Variants in TUT7 observed in about 807,000 individuals in gnomAD.
TUT7 encodes the protein terminal uridylyl transferase 7.
A neutral mutation model predicts 165.9 loss-of-function variants in TUT7; 33 were observed. The observed-to-expected ratio is 0.20, with a 90% CI of 0.15 to 0.27. The LOEUF (loss-of-function observed/expected upper bound fraction) is 0.27. TUT7 is among the 10% of genes least tolerant of loss of function. The pLI is 1.00. For missense variants in TUT7, 1,338 were observed against 1,762.3 expected (o/e 0.76, Z 4.31); for synonymous variants, 552 against 608.1 (o/e 0.91, Z 1.36).
intron 25 of TUT7, chr9:86,301,859 C>T: frequency 1.0e-6 from 1 of 985,326 alleles, no homozygotes; most frequent in Non-Finnish European, 1.2e-6. Flanking sequence ...ATTAGTGGCA[C>T]TCCTTGGCTG....
At chr9:86,290,686 C>CAAAAAAAAA (rs749800073) in intron 26 of TUT7, among the ~76,000 whole-genome samples, 19 of 54,592 alleles carry the variant, frequency 3.5e-4, no homozygotes, top group East Asian at 1.0e-3. Context: ...TACTAAAATA[C>CAAAAAAAAA]AAAAAAAAAA....
intron 10 of TUT7, among the ~76,000 whole-genome samples, chr9:86,330,535 G>A (rs923906160): frequency 3.3e-5 from 5 of 152,208 alleles, no homozygotes; most frequent in African/African-American, 1.2e-4. Flanking sequence ...TTTCTCAACT[G>A]GGTAGCTTGA....
At chr9:86,291,738 C>G (rs900092660) in intron 26 of TUT7, among the ~76,000 whole-genome samples, 1 of 152,150 alleles carries the variant, frequency 6.6e-6, no homozygotes, top group African/African-American at 2.4e-5. Context: ...AAATGACCCA[C>G]ACACTGCTGG....
chr9:86,335,069 G>C (rs1830648166), intron 10 of TUT7, among the ~76,000 whole-genome samples: 1 of 152,184 alleles, frequency 6.6e-6, no homozygotes, highest in African/African-American at 2.4e-5. Flanking sequence ...CACACCATAA[G>C]TGGAACTTGA....
In TUT7 at chr9:86,308,545, A is replaced by C; in HGVS notation, c.3722T>G (p.Leu1241Arg). ...AAATTCCTCTGTGTAGAAACGAAGAAGGCCCAACCATAACTGCCCAACAGA... is the reference window on the plus strand; with the variant it reads ...AAATTCCTCTGTGTAGAAACGAAGACGGCCCAACCATAACTGCCCAACAGA... ...TESVGQLWLG[L>R]LRFYTEEFDF... The change falls in exon 22 of 27, where the codon CTT (leucine) becomes CGT (arginine). Residue 1241 changes from leucine to arginine, a missense_variant. Coordinates refer to ENST00000375963, the MANE Select transcript of TUT7 (RefSeq NM_024617.4). The C allele has an allele frequency of 6.2e-7, 1 of 1,614,046 alleles. No individual in the cohort carries two copies. Among genetic ancestry groups the C allele is most frequent in the Non-Finnish European group, 8.5e-7 (1 of 1,179,986 alleles).
chr9:86,339,971 T>C (rs758674227), intron 8 of TUT7, 65 bp downstream of exon 8: 1 of 1,203,598 alleles, frequency 8.3e-7, no homozygotes, highest in Non-Finnish European at 1.2e-6. Flanking sequence ...CATTAAGATG[T>C]AGTAAAGTAC....
chr9:86,308,310 A>G, intron 22 of TUT7, 119 bp downstream of exon 22: 2 of 863,554 alleles, frequency 2.3e-6, no homozygotes, highest in South Asian at 2.2e-5. Flanking sequence ...GGTATGGACA[A>G]TGAGACTGGG....
At chr9:86,325,623 A>G (rs886904798) in intron 11 of TUT7, 109 bp from the exon 12 acceptor site, 2 of 980,776 alleles carry the variant, frequency 2.0e-6, no homozygotes, top group Non-Finnish European at 3.0e-6. Context: ...ACCTTAACAA[A>G]GATATAAGCC....
At chr9:86,338,784 T>C in intron 9 of TUT7, 39 bp downstream of exon 9, 12 of 1,527,176 alleles carry the variant, frequency 7.9e-6, no homozygotes, top group Non-Finnish European at 1.1e-5. Context: ...TGCTTATACA[T>C]ATGTAGAATG....
intron 14 of TUT7, among the ~76,000 whole-genome samples, chr9:86,321,190 TAA>T (rs758749770): frequency 9.9e-5 from 12 of 121,254 alleles, no homozygotes; most frequent in Admixed American, 8.2e-5. Context: ...CCATCTCTAC[TAA>T]AAAAAAAAAA....
chr9:86,343,282 T>C (rs1831469407), intron 5 of TUT7, 119 bp from the exon 6 acceptor site: 1 of 569,182 alleles, frequency 1.8e-6, no homozygotes, highest in Admixed American at 3.9e-5. Context: ...AAAAGCAAAC[T>C]TGTATTCAAG....
chr9:86,348,713 T>C (rs1429814115), intron 2 of TUT7, among the ~76,000 whole-genome samples: 2 of 151,920 alleles, frequency 1.3e-5, no homozygotes, highest in East Asian at 1.9e-4. Context: ...GATTGCGCCA[T>C]TGCACTCCAG....
chr9:86,298,533 T>G (rs1275602504), intron 26 of TUT7, among the ~76,000 whole-genome samples: 1 of 152,170 alleles, frequency 6.6e-6, no homozygotes, highest in Non-Finnish European at 1.5e-5. Flanking sequence ...ATGGGTGGTA[T>G]AAACATCACT....
chr9:86,302,252 T>C (rs1826991799), intron 25 of TUT7, among the ~76,000 whole-genome samples: 1 of 152,046 alleles, frequency 6.6e-6, no homozygotes. Context: ...TGCCCCCCAA[T>C]AAACGCCACC....
intron 16 of TUT7, among the ~76,000 whole-genome samples, chr9:86,317,759 T>C (rs535010060): frequency 6.6e-6 from 1 of 152,352 alleles, no homozygotes; most frequent in Non-Finnish European, 1.5e-5. Context: ...AGAATTATAA[T>C]GCATATAACT....
At chr9:86,312,434 G>T (rs1179299680) in intron 17 of TUT7, among the ~76,000 whole-genome samples, 17 of 150,994 alleles carry the variant, frequency 1.1e-4, no homozygotes, top group South Asian at 6.3e-4. Flanking sequence ...CAGCCACCCC[G>T]TCTGGGAAGT....
intron 25 of TUT7, among the ~76,000 whole-genome samples, chr9:86,302,055 C>A (rs1826963515): frequency 6.6e-6 from 1 of 152,174 alleles, no homozygotes; most frequent in South Asian, 2.1e-4. Flanking sequence ...AATCATTTCT[C>A]CCTTATCCTA....
At position 86,323,318 on chromosome 9, in the gene TUT7, T is replaced by A; in HGVS notation, c.2432A>T (p.Asp811Val). The stretch of plus-strand genomic sequence containing the variant: ...ACCTTCTGTACTTTCTCCATCAAGA[T>A]CAGCCTTGTTATCTAAAGTGGCAAG... ...EGLATLDNKA[D>V]LDGESTEGTE... is the part of the protein sequence containing the mutation. Residue 811 changes from aspartate (D) to valine (V), a missense_variant, in exon 13 of 27, where the codon GAT (aspartate) becomes GTT (valine). Physicochemically the swap from Asp to Val is radical, Grantham distance 152 (BLOSUM62 -3). Coordinates refer to ENST00000375963, the MANE Select transcript of TUT7 (RefSeq NM_024617.4). 1 of 1,614,150 alleles carries A rather than the reference T, an allele frequency of 6.2e-7. No homozygotes were observed. The highest frequency in any genetic ancestry group is 8.5e-7 in the Non-Finnish European group (1 of 1,180,014).
At chr9:86,330,257 T>C (rs1308565252) in intron 10 of TUT7, among the ~76,000 whole-genome samples, 1 of 152,088 alleles carries the variant, frequency 6.6e-6, no homozygotes, top group Non-Finnish European at 1.5e-5. Context: ...AGATGGAGTT[T>C]CACCACGTTG....
Sources: allele counts gnomAD v4.1 joint callset (sites outside exome capture counted in the v4.1 genomes callset), GRCh38; gene constraint gnomAD v4.1.1; transcripts MANE v1.5; gene names NCBI Gene and HGNC (gene_info 2026-07-23, HGNC 2026-07-21).